IGFL2: variants seen among roughly 807,000 people sequenced by gnomAD.
IGFL2 encodes IGF like family member 2, also known as insulin growth factor-like family member 2.
Under a neutral mutation model 13.9 loss-of-function variants are expected in IGFL2, and 7 were observed. The ratio of observed to expected loss-of-function variants is 0.51; its 90% CI spans 0.29 to 0.95. The LOEUF (loss-of-function observed/expected upper bound fraction) is 0.95. Ranked by LOEUF, IGFL2 falls within the 40% of genes least tolerant of loss-of-function variation. IGFL2 has a pLI of 0.08. For synonymous variants in IGFL2, 55 were observed against 55.8 expected (o/e 0.99, Z 0.07); for missense variants, 138 against 147.8 (o/e 0.93, Z 0.34).
At chr19:46,181,217 ATTTATTTC>A in the IGFL2 span, 3 of 102,502 alleles carry the variant, frequency 2.9e-5, no homozygotes, top group Non-Finnish European at 4.9e-5. Flanking sequence ...TTATTTATTT[ATTTATTTC>A]TTATTCCAGC....
At chr19:46,079,357 G>C in the IGFL2 span, among the ~76,000 whole-genome samples, 1 of 151,774 alleles carries the variant, frequency 6.6e-6, no homozygotes, top group Non-Finnish European at 1.5e-5. Flanking sequence ...CCCCTCGTGG[G>C]CGTCAGGCCT....
At chr19:46,137,686 C>A in the IGFL2 span, 2 of 553,230 alleles carry the variant, frequency 3.6e-6, no homozygotes, top group South Asian at 2.1e-5. Context: ...AGCCTTGGTC[C>A]CCGGCTTCAG....
chr19:46,214,261 C>T, the IGFL2 span: 5 of 152,336 alleles, frequency 3.3e-5, no homozygotes, highest in South Asian at 2.1e-4. Flanking sequence ...TCTGGGTTCC[C>T]GCCCAAATGC....
At position 46,160,633 on chromosome 19, in the gene IGFL2, A is replaced by G. The variant is rs114285863; in HGVS notation, c.93A>G (p.Pro31=). The change falls in exon 3 of 4, where the codon CCA becomes CCG. Residue 31 remains proline (P), a synonymous_variant. Transcript: ENST00000377693. ...GTCCAGCTCCCGCTGGCTCAGAACC[A>G]TGGCTGTGCCAGCCGGCACCCAGGT... ...REVIAPAGSE[P]WLCQPAPRCG... 38,525 of 1,614,134 alleles carry G rather than the reference A, an allele frequency of 0.024. 854 individuals are homozygous for G. The highest frequency in any genetic ancestry group is 0.085 in the East Asian group (3,810 of 44,880).
the IGFL2 span, among the ~76,000 whole-genome samples, chr19:46,186,450 C>T: frequency 6.6e-6 from 1 of 152,178 alleles, no homozygotes; most frequent in African/African-American, 2.4e-5. Context: ...GGTGTTGACC[C>T]CATGCTATTG....
At chr19:46,201,823 G>C in the IGFL2 span, among the ~76,000 whole-genome samples, 8 of 152,244 alleles carry the variant, frequency 5.3e-5, no homozygotes, top group South Asian at 8.3e-4. Context: ...GAATAGTCAG[G>C]GTAGTGGATA....
upstream of IGFL2, among the ~76,000 whole-genome samples, chr19:46,141,465 G>C (rs1972855142): frequency 6.6e-6 from 1 of 151,988 alleles, no homozygotes; most frequent in South Asian, 2.1e-4. Context: ...ATTATTGAAC[G>C]ACTCCCCACC....
upstream of IGFL2, among the ~76,000 whole-genome samples, chr19:46,143,785 A>G (rs990293384): frequency 6.6e-6 from 1 of 152,212 alleles, no homozygotes; most frequent in Non-Finnish European, 1.5e-5. Context: ...TGTGGCTCAG[A>G]GAAAATCAAG....
intron 1 of IGFL2, chr19:46,158,994 C>G (rs901070659): frequency 1.3e-5 from 2 of 152,208 alleles, no homozygotes; most frequent in African/African-American, 4.8e-5. Context: ...TTTATCTGGG[C>G]TGCACTCTCA....
chr19:46,189,319 AG>A, the IGFL2 span: 1 of 152,316 alleles, frequency 6.6e-6, no homozygotes, highest in South Asian at 2.1e-4. Context: ...ACTACCTAGA[AG>A]GCAGAGCCAG....
chr19:46,136,916 T>C, the IGFL2 span: 1 of 913,976 alleles, frequency 1.1e-6, no homozygotes, highest in East Asian at 2.4e-5. Flanking sequence ...ACATGTCCTC[T>C]GGGCACATGA....
upstream of IGFL2, among the ~76,000 whole-genome samples, chr19:46,139,817 TTA>T (rs1345604834): frequency 2.0e-5 from 3 of 151,998 alleles, no homozygotes; most frequent in African/African-American, 7.3e-5. Flanking sequence ...ATAACCAAAC[TTA>T]TATGTGTATA....
chr19:46,171,887 G>A, the IGFL2 span, among the ~76,000 whole-genome samples: 176 of 152,176 alleles, frequency 1.2e-3, 2 homozygotes, highest in Middle Eastern at 0.017. Context: ...AGTGGGTGCC[G>A]TACAGGTAAA....
the IGFL2 span, among the ~76,000 whole-genome samples, chr19:46,194,830 T>TTACATATATATATATA: frequency 6.4e-5 from 3 of 46,790 alleles, no homozygotes; most frequent in African/African-American, 3.0e-4. Context: ...CTTCCTCATT[T>TTACATATATATATATA]TATATATATA....
At chr19:46,167,342 C>T in the IGFL2 span, among the ~76,000 whole-genome samples, 3 of 152,266 alleles carry the variant, frequency 2.0e-5, no homozygotes, top group East Asian at 3.9e-4. Context: ...AGAGCCGCAG[C>T]CCCTTGCTGC....
At chr19:46,130,246 G>A in the IGFL2 span, among the ~76,000 whole-genome samples, 8 of 152,258 alleles carry the variant, frequency 5.3e-5, no homozygotes, top group African/African-American at 1.9e-4. Flanking sequence ...GCCTGTGGGT[G>A]TAATTGCATG....
At chr19:46,197,366 C>CT in the IGFL2 span, 1 of 156,436 alleles carries the variant, frequency 6.4e-6, no homozygotes, top group Admixed American at 6.5e-5. Flanking sequence ...CCCCCATTCT[C>CT]TGTGTCTGTC....
At chr19:46,192,591 T>A in the IGFL2 span, among the ~76,000 whole-genome samples, 1 of 151,962 alleles carries the variant, frequency 6.6e-6, no homozygotes, top group Non-Finnish European at 1.5e-5. Context: ...GGCTAACTTT[T>A]GTATTTTTAG....
the IGFL2 span, among the ~76,000 whole-genome samples, chr19:46,094,791 G>A: frequency 6.6e-6 from 1 of 152,082 alleles, no homozygotes; most frequent in Non-Finnish European, 1.5e-5. Context: ...TTGGTTTTCT[G>A]TTCCTGTGTT....
Sources: gnomAD v4.1 joint callset for allele counts (sites outside exome capture counted in the v4.1 genomes callset) on GRCh38, gnomAD v4.1.1 for gene constraint, MANE v1.5 for transcripts, NCBI Gene and HGNC (gene_info 2026-07-23, HGNC 2026-07-21) for gene names.